The following SMIM3 variants were observed in gnomAD, a reference collection of about 807,000 sequenced individuals.
SMIM3 encodes the protein small integral membrane protein 3.
A neutral mutation model predicts 2.1 loss-of-function variants in SMIM3; 4 were observed. That is an observed-to-expected ratio of 1.89 (90% CI 0.93 to 4.31). The LOEUF (loss-of-function observed/expected upper bound fraction) is 4.31, where lower values mean the gene tolerates loss of function less well. SMIM3 is among the 30% of genes most tolerant of loss of function. The pLI is 0.01. For missense variants in SMIM3, 79 were observed against 77.7 expected (o/e 1.02, Z -0.06); for synonymous variants, 29 against 30.8 (o/e 0.94, Z 0.19).
chr5:150,779,182 G>C (rs931877655), intron 1 of SMIM3, among the ~76,000 whole-genome samples: 2 of 151,908 alleles, frequency 1.3e-5, no homozygotes, highest in Admixed American at 1.3e-4. Flanking sequence ...TCTTAAGTTC[G>C]AGCCTCCTAG....
At chr5:150,789,959 T>A (rs10077008) in intron 1 of SMIM3, among the ~76,000 whole-genome samples, 29,302 of 152,050 alleles carry the variant, frequency 0.19, 5,789 homozygotes, top group African/African-American at 0.5. Flanking sequence ...GGGGTTAGAA[T>A]AACAATTTCA....
intron 1 of SMIM3, among the ~76,000 whole-genome samples, chr5:150,779,177 A>C (rs562748848): frequency 7.2e-5 from 11 of 151,948 alleles, no homozygotes; most frequent in Non-Finnish European, 1.6e-4. Flanking sequence ...TCAGCTCTTA[A>C]GTTCGAGCCT....
chr5:150,789,971 T>C (rs1433751536), intron 1 of SMIM3, among the ~76,000 whole-genome samples: 1 of 152,178 alleles, frequency 6.6e-6, no homozygotes, highest in African/African-American at 2.4e-5. Context: ...ACAATTTCAT[T>C]TGCAAAAGAG....
intron 1 of SMIM3, among the ~76,000 whole-genome samples, chr5:150,787,078 T>C (rs986061331): frequency 6.6e-6 from 1 of 152,202 alleles, no homozygotes; most frequent in African/African-American, 2.4e-5. Flanking sequence ...TCTCCCTCTC[T>C]TGGCAGTCTT....
chr5:150,795,801 T>A lies in SMIM3; in HGVS notation c.*178T>A. 1.6e-6 allele frequency: 1 copy of A among 642,798 alleles called. No individual in the cohort carries two copies. The highest frequency in any genetic ancestry group is 2.0e-5 in the South Asian group (1 of 49,900). The allele number at this position is 642,798 out of a possible 1,614,324, so 39.8% of individuals were successfully genotyped here. A position where few individuals can be genotyped will look rare whatever the true frequency, so the allele number is the denominator to read the frequency against. On this transcript the variant is annotated 3_prime_UTR_variant, in exon 2 of 2. Transcript: ENST00000526627. ...GGGACCTAACTCTCTGAGTTCCAGG[T>A]TCCTTATCTTTCAAATGGGGATGGT...
intron 1 of SMIM3, among the ~76,000 whole-genome samples, chr5:150,784,329 A>G (rs1212490043): frequency 1.3e-5 from 2 of 152,140 alleles, no homozygotes; most frequent in African/African-American, 4.8e-5. Context: ...TAGGAGACTA[A>G]AGCTCAAAGA....
chr5:150,795,877 G>A lies in SMIM3; in HGVS notation c.*254G>A, dbSNP rs1004860275. The A allele has an allele frequency of 1.8e-5, 9 of 512,554 alleles. No homozygotes were observed. Among genetic ancestry groups the A allele is most frequent in the Non-Finnish European group, 2.8e-5 (8 of 283,086 alleles). The allele number at this position is 512,554 out of a possible 1,614,324, so 31.8% of individuals were successfully genotyped here. A position where few individuals can be genotyped will look rare whatever the true frequency, so the allele number is the denominator to read the frequency against. ...GGATGTGAGAACCACCTGACTTAGT[G>A]GATGTGAAAGCTGTTTGTGATCAGT... On this transcript the variant is annotated 3_prime_UTR_variant, in exon 2 of 2. Transcript: ENST00000526627.
chr5:150,788,232 C>T (rs1374811985), intron 1 of SMIM3, among the ~76,000 whole-genome samples: 2 of 152,092 alleles, frequency 1.3e-5, no homozygotes, highest in Non-Finnish European at 2.9e-5. Flanking sequence ...CTTTTAATTG[C>T]TTAAGAAAAG....
chr5:150,783,025 C>T (rs1458240034), intron 1 of SMIM3, among the ~76,000 whole-genome samples: 1 of 152,164 alleles, frequency 6.6e-6, no homozygotes. Flanking sequence ...TTGTGAAAAG[C>T]ATATGCAGAA....
intron 1 of SMIM3, among the ~76,000 whole-genome samples, chr5:150,781,651 G>A (rs1753234105): frequency 6.6e-6 from 1 of 152,102 alleles, no homozygotes; most frequent in Non-Finnish European, 1.5e-5. Context: ...GGTGGTGGTG[G>A]GCATTATTCT....
Position 150,796,160 on chromosome 5 carries a change from G to T in SMIM3, c.*537G>T, listed in dbSNP as rs1464962098. 3.2e-5 allele frequency: 5 copies of T among 156,026 alleles called. No homozygotes were observed. The highest frequency in any genetic ancestry group is 1.2e-4 in the African/African-American group (5 of 41,452). The allele number at this position is 156,026 out of a possible 1,614,324, so 9.7% of individuals were successfully genotyped here. ...TTCTCAGTTTGGAGGGTGATGGGTA[G>T]AGCTTTCCAGAACCTTCTCCATTCC... On this transcript the variant is annotated 3_prime_UTR_variant, in exon 2 of 2. Coordinates refer to ENST00000526627, the MANE Select transcript of SMIM3 (RefSeq NM_032947.5).
At chr5:150,794,814 C>G (rs910407144) in intron 1 of SMIM3, among the ~76,000 whole-genome samples, 29 of 152,120 alleles carry the variant, frequency 1.9e-4, no homozygotes, top group Middle Eastern at 3.2e-3. Flanking sequence ...TAGGCTCAAA[C>G]AATTTATTTA....
chr5:150,783,890 C>A (rs1260241291), intron 1 of SMIM3, among the ~76,000 whole-genome samples: 1 of 149,692 alleles, frequency 6.7e-6, no homozygotes, highest in Non-Finnish European at 1.5e-5. Context: ...GGCACCCTAA[C>A]TAATGGCAGA....
At chr5:150,784,716 A>G (rs1753272243) in intron 1 of SMIM3, among the ~76,000 whole-genome samples, 1 of 152,186 alleles carries the variant, frequency 6.6e-6, no homozygotes, top group Non-Finnish European at 1.5e-5. Flanking sequence ...CTTATAAAAA[A>G]TATATATGTA....
intron 1 of SMIM3, among the ~76,000 whole-genome samples, chr5:150,780,535 G>T (rs1753220865): frequency 6.6e-6 from 1 of 152,166 alleles, no homozygotes; most frequent in South Asian, 2.1e-4. Flanking sequence ...CAGAACTGTG[G>T]CTCCATGACA....
At chr5:150,783,943 G>A (rs553803931) in intron 1 of SMIM3, among the ~76,000 whole-genome samples, 202 of 128,104 alleles carry the variant, frequency 1.6e-3, no homozygotes, top group Non-Finnish European at 1.5e-3. Context: ...TTTTTGATAC[G>A]GAATCTCACT....
At chr5:150,779,757 G>T (rs1161053513) in intron 1 of SMIM3, among the ~76,000 whole-genome samples, 1 of 152,056 alleles carries the variant, frequency 6.6e-6, no homozygotes, top group Admixed American at 6.5e-5. Flanking sequence ...GGCATTCTCA[G>T]CTCTTGGAGC....
chr5:150,780,857 C>A (rs890505572), intron 1 of SMIM3, among the ~76,000 whole-genome samples: 7 of 152,188 alleles, frequency 4.6e-5, no homozygotes, highest in African/African-American at 1.2e-4. Flanking sequence ...CGTGTACTCA[C>A]AAACACAGTT....
chr5:150,793,768 A>T (rs1300565931), intron 1 of SMIM3, among the ~76,000 whole-genome samples: 1 of 152,212 alleles, frequency 6.6e-6, no homozygotes, highest in East Asian at 1.9e-4. Flanking sequence ...TTAGGCAAGG[A>T]TTTCATGACC....
Sources: allele counts gnomAD v4.1 joint callset (sites outside exome capture counted in the v4.1 genomes callset), GRCh38; gene constraint gnomAD v4.1.1; transcripts MANE v1.5; gene names NCBI Gene and HGNC (gene_info 2026-07-23, HGNC 2026-07-21).